The following SNTB1 variants were observed in gnomAD, a reference collection of about 807,000 sequenced individuals.
The protein encoded by SNTB1 is beta-1-syntrophin.
Under a neutral mutation model 48.9 loss-of-function variants are expected in SNTB1, and 36 were observed. The observed-to-expected ratio is 0.74, with a 90% CI of 0.56 to 0.97. The LOEUF is 0.97. Ranked by LOEUF, SNTB1 falls within the 50% of genes least tolerant of loss-of-function variation. The probability of loss-of-function intolerance (pLI) is 0.00; values close to 1 mark genes in which losing one functional copy is unlikely to be tolerated. For missense variants in SNTB1, 786 were observed against 703.4 expected (o/e 1.12, Z -1.33); for synonymous variants, 299 against 294.6 (o/e 1.01, Z -0.15).
At chr8:120,639,166 G>A (rs1423139636) in intron 2 of SNTB1, among the ~76,000 whole-genome samples, 1 of 152,162 alleles carries the variant, frequency 6.6e-6, no homozygotes, top group Admixed American at 6.5e-5. Context: ...TTTTTCATGT[G>A]TCTGTTGGCT....
At chr8:120,555,119 G>T (rs28591987) in intron 4 of SNTB1, among the ~76,000 whole-genome samples, 2,218 of 152,256 alleles carry the variant, frequency 0.015, 51 homozygotes, top group African/African-American at 0.05. Flanking sequence ...TTTGGAAATG[G>T]TGAAGTGGCT....
intron 1 of SNTB1, among the ~76,000 whole-genome samples, chr8:120,755,192 G>A (rs978568544): frequency 6.6e-6 from 1 of 151,228 alleles, no homozygotes; most frequent in South Asian, 2.1e-4. Flanking sequence ...GAGAGAGCGA[G>A]AGAGAGAGAA....
intron 3 of SNTB1, among the ~76,000 whole-genome samples, chr8:120,629,317 A>C (rs944410077): frequency 6.6e-6 from 1 of 152,224 alleles, no homozygotes; most frequent in Non-Finnish European, 1.5e-5. Flanking sequence ...AATTTTAAAA[A>C]GGAAGTTGTT....
At chr8:120,748,967 T>C (rs73710059) in intron 1 of SNTB1, among the ~76,000 whole-genome samples, 4,437 of 152,326 alleles carry the variant, frequency 0.029, 210 homozygotes, top group African/African-American at 0.1. Flanking sequence ...TTTTTGTTAT[T>C]GTTACTGATT....
intron 1 of SNTB1, chr8:120,776,240 C>T (rs1819734466): frequency 6.6e-6 from 1 of 152,236 alleles, no homozygotes; most frequent in South Asian, 2.1e-4. Flanking sequence ...GCCAGTGGGT[C>T]TTAGGGATGT....
chr8:120,537,411 T>C lies in SNTB1; in HGVS notation c.*1466A>G, dbSNP rs1165997724. On this transcript the variant is annotated 3_prime_UTR_variant, in exon 7 of 7. Coordinates refer to ENST00000517992, the MANE Select transcript of SNTB1 (RefSeq NM_021021.4). ...CCCTTGGAACTAGCGTCATATGATA[T>C]ATTCTTTGGGGAAATGCTGATTTAA... The C allele has an allele frequency of 6.6e-6, 1 of 152,220 alleles. No homozygotes were observed. The highest frequency in any genetic ancestry group is 1.5e-5 in the Non-Finnish European group (1 of 68,040). The allele number at this position is 152,220 out of a possible 1,614,324, so 9.4% of individuals were successfully genotyped here.
At chr8:120,687,774 G>T (rs1440454300) in intron 2 of SNTB1, among the ~76,000 whole-genome samples, 3 of 152,182 alleles carry the variant, frequency 2.0e-5, no homozygotes, top group Admixed American at 1.3e-4. Flanking sequence ...CAATGAGAGG[G>T]TATATAAATC....
chr8:120,769,793 T>C (rs1043582472), intron 1 of SNTB1: 2 of 152,190 alleles, frequency 1.3e-5, no homozygotes, highest in Non-Finnish European at 2.9e-5. Context: ...ATCCCCAGAA[T>C]GGTAAGAAAG....
chr8:120,615,608 G>T (rs1816700205), intron 3 of SNTB1, among the ~76,000 whole-genome samples: 1 of 152,152 alleles, frequency 6.6e-6, no homozygotes. Flanking sequence ...CGTGCAAATG[G>T]CATTATCATA....
At chr8:120,644,990 G>A (rs1336603273) in intron 2 of SNTB1, among the ~76,000 whole-genome samples, 22 of 150,946 alleles carry the variant, frequency 1.5e-4, no homozygotes, top group South Asian at 4.2e-4. Flanking sequence ...CATGTCCTTC[G>A]CCCACTTTTT....
At chr8:120,717,577 T>C (rs1035218742) in intron 1 of SNTB1, among the ~76,000 whole-genome samples, 1 of 152,220 alleles carries the variant, frequency 6.6e-6, no homozygotes, top group Non-Finnish European at 1.5e-5. Flanking sequence ...TGAGGTTGCC[T>C]TTCTTCATCA....
intron 2 of SNTB1, among the ~76,000 whole-genome samples, chr8:120,663,405 G>A (rs887069557): frequency 1.3e-5 from 2 of 152,136 alleles, no homozygotes; most frequent in African/African-American, 2.4e-5. Flanking sequence ...TGTGCAAGAA[G>A]TTCTTTTTCT....
intron 1 of SNTB1, among the ~76,000 whole-genome samples, chr8:120,804,774 C>G (rs866146750): frequency 2.6e-5 from 4 of 152,190 alleles, no homozygotes; most frequent in Non-Finnish European, 5.9e-5. Context: ...TCTTCCCCCT[C>G]AGTAGTCTGA....
intron 2 of SNTB1, among the ~76,000 whole-genome samples, chr8:120,660,020 T>C (rs953644648): frequency 3.9e-5 from 6 of 152,182 alleles, no homozygotes; most frequent in Non-Finnish European, 7.4e-5. Flanking sequence ...AACCATACTA[T>C]AAACAGATGT....
intron 4 of SNTB1, among the ~76,000 whole-genome samples, chr8:120,555,556 C>T (rs1192402237): frequency 6.6e-6 from 1 of 152,146 alleles, no homozygotes; most frequent in Non-Finnish European, 1.5e-5. Flanking sequence ...GTAGTTCCTG[C>T]CGGCATTCAC....
rs1258211129 is a variant in SNTB1 at position 120,552,517 on chromosome 8, CCT to C, written c.1137-3561_1137-3560del. ...GGATTACAGGTGTGCACCACCACAC[CCT>C]GTTAATTTTTGTATTTTTAGTAGAG... On this transcript the variant is annotated intron_variant, in intron 4 of 6. Transcript: ENST00000517992. Among the ~76,000 whole-genome samples, 9 of 152,178 alleles carry C rather than the reference CCT, an allele frequency of 5.9e-5. No homozygotes were observed. In the South Asian group the frequency reaches 8.3e-4, roughly 14 times the overall value.
intron 2 of SNTB1, among the ~76,000 whole-genome samples, chr8:120,673,634 TGGA>T (rs1210421213): frequency 6.6e-6 from 1 of 151,928 alleles, no homozygotes; most frequent in Non-Finnish European, 1.5e-5. Flanking sequence ...TGGGCTATGA[TGGA>T]CAACGGAGCA....
intron 1 of SNTB1, among the ~76,000 whole-genome samples, chr8:120,703,355 C>T (rs1033828100): frequency 5.3e-5 from 8 of 152,216 alleles, no homozygotes; most frequent in Non-Finnish European, 1.0e-4. Context: ...GAACTCCTGA[C>T]CTCAAGTGAT....
At chr8:120,809,382 A>G (rs1433392115) in intron 1 of SNTB1, among the ~76,000 whole-genome samples, 1 of 152,224 alleles carries the variant, frequency 6.6e-6, no homozygotes, top group Admixed American at 6.5e-5. Context: ...ATGTCATATT[A>G]GAGGTTTTTA....
Sources: gnomAD v4.1 joint callset for allele counts (sites outside exome capture counted in the v4.1 genomes callset) on GRCh38, gnomAD v4.1.1 for gene constraint, MANE v1.5 for transcripts, NCBI Gene and HGNC (gene_info 2026-07-23, HGNC 2026-07-21) for gene names.